TTC6: variants seen among roughly 807,000 people sequenced by gnomAD.
TTC6 encodes tetratricopeptide repeat protein 6.
Under a neutral mutation model 210.4 loss-of-function variants are expected in TTC6, and 172 were observed. The observed-to-expected ratio is 0.82, with a 90% CI of 0.72 to 0.93. The LOEUF (loss-of-function observed/expected upper bound fraction) is 0.93, where lower values mean the gene tolerates loss of function less well. TTC6 is among the 40% of genes least tolerant of loss of function. The probability of loss-of-function intolerance (pLI) is 0.00; values close to 1 mark genes in which losing one functional copy is unlikely to be tolerated. For missense variants in TTC6, 2,414 were observed against 2,318.1 expected (o/e 1.04, Z -0.85); for synonymous variants, 804 against 819.6 (o/e 0.98, Z 0.32).
chr14:37,721,902 A>C (rs1361379301), intron 6 of TTC6, among the ~76,000 whole-genome samples: 1 of 144,700 alleles, frequency 6.9e-6, no homozygotes, highest in African/African-American at 2.5e-5. Context: ...ACACATATAT[A>C]CACATGTATA....
chr14:37,703,191 C>T (rs1340077871), intron 5 of TTC6, among the ~76,000 whole-genome samples: 1 of 151,884 alleles, frequency 6.6e-6, no homozygotes, highest in Non-Finnish European at 1.5e-5. Context: ...AGCCAAGCAT[C>T]ATTTGGAGGA....
chr14:37,655,887 T>A (rs368453589), intron 1 of TTC6, among the ~76,000 whole-genome samples: 2 of 150,814 alleles, frequency 1.3e-5, no homozygotes, highest in African/African-American at 2.5e-5. Flanking sequence ...TTTTTTTTTT[T>A]AATTTGTAAA....
intron 5 of TTC6, among the ~76,000 whole-genome samples, chr14:37,710,278 G>A (rs2138732587): frequency 6.6e-6 from 1 of 152,208 alleles, no homozygotes; most frequent in Admixed American, 6.5e-5. Flanking sequence ...GATTGTTGGA[G>A]GGAGATCCCT....
At chr14:37,739,337 G>A (rs913713199) in intron 10 of TTC6, among the ~76,000 whole-genome samples, 182 bp downstream of exon 12, 3 of 152,064 alleles carry the variant, frequency 2.0e-5, no homozygotes, top group Non-Finnish European at 4.4e-5. Context: ...AGCACTTTGG[G>A]AGGCAGAGGC....
intron 3 of TTC6, among the ~76,000 whole-genome samples, chr14:37,692,163 A>G (rs1320725296): frequency 3.8e-5 from 5 of 132,252 alleles, no homozygotes; most frequent in Non-Finnish European, 7.8e-5. Context: ...AACTCATTCT[A>G]TGAGGCAGGT....
intron 3 of TTC6, among the ~76,000 whole-genome samples, chr14:37,684,712 A>C (rs1339639900): frequency 1.3e-5 from 2 of 152,200 alleles, no homozygotes; most frequent in East Asian, 1.9e-4. Context: ...TAACATCTCA[A>C]GATCAGTTGT....
chr14:37,656,512 T>C (rs1566867700), intron 1 of TTC6, among the ~76,000 whole-genome samples: 2 of 74,594 alleles, frequency 2.7e-5, no homozygotes, highest in African/African-American at 6.4e-5. Context: ...TGTGTGTGTG[T>C]GCGTGTGTGT....
chr14:37,696,717 G>T (rs748112275), exon 4 of TTC6: 2 of 1,427,514 alleles, frequency 1.4e-6, no homozygotes, highest in East Asian at 2.7e-5. Context: ...TTTCTTAAAG[G>T]CAAAATCACC....
At chr14:37,770,622 C>T (rs1595232231) in intron 14 of TTC6, among the ~76,000 whole-genome samples, 1 of 152,134 alleles carries the variant, frequency 6.6e-6, no homozygotes, top group East Asian at 1.9e-4. Flanking sequence ...ACTAGGATTG[C>T]AACCCCTGCC....
chr14:37,630,666 T>C (rs1227739777), intron 1 of TTC6, among the ~76,000 whole-genome samples: 2 of 152,130 alleles, frequency 1.3e-5, no homozygotes, highest in Non-Finnish European at 2.9e-5. Flanking sequence ...ATGTGTCTAA[T>C]ATTGACAGTG....
intron 14 of TTC6, among the ~76,000 whole-genome samples, chr14:37,779,659 C>A (rs950187177): frequency 2.6e-5 from 4 of 152,152 alleles, no homozygotes; most frequent in Non-Finnish European, 5.9e-5. Flanking sequence ...CAGCTTACAG[C>A]CATTTGCTGA....
At chr14:37,648,594 C>G (rs1013777301) in intron 1 of TTC6, among the ~76,000 whole-genome samples, 3 of 151,806 alleles carry the variant, frequency 2.0e-5, no homozygotes, top group Non-Finnish European at 4.4e-5. Context: ...ATTTCTTTTT[C>G]TGTTCTCCAG....
exon 1 of TTC6, chr14:37,622,239 C>A (rs1309313541): frequency 6.5e-7 from 1 of 1,535,208 alleles, no homozygotes; most frequent in Non-Finnish European, 8.7e-7. Context: ...TGCCCCCGGC[C>A]CGGCCCGCCC....
chr14:37,637,119 AAG>A (rs1327720454), intron 1 of TTC6, among the ~76,000 whole-genome samples: 1 of 151,962 alleles, frequency 6.6e-6, no homozygotes, highest in Non-Finnish European at 1.5e-5. Context: ...CAAACCAAAA[AAG>A]AAGAACGAAA....
chr14:37,750,008 T>A (rs1426754293), intron 12 of TTC6, among the ~76,000 whole-genome samples, 165 bp downstream of exon 14: 1 of 152,162 alleles, frequency 6.6e-6, no homozygotes, highest in East Asian at 1.9e-4. Context: ...GCTCGTACAA[T>A]CCTATAGTGT....
At chr14:37,637,647 G>A (rs1179925259) in intron 1 of TTC6, among the ~76,000 whole-genome samples, 5 of 151,934 alleles carry the variant, frequency 3.3e-5, no homozygotes, top group African/African-American at 1.2e-4. Flanking sequence ...GGAAAAAAAA[G>A]AGAAAAAAAT....
chr14:37,808,806 A>G, exon 24 of TTC6: 1 of 1,535,164 alleles, frequency 6.5e-7, no homozygotes, highest in Non-Finnish European at 8.7e-7. Context: ...GCATTTTATA[A>G]CAGAGCATTA....
Position 37,761,614 on chromosome 14 carries a change from T to C in TTC6, c.3266+8379T>C, listed in dbSNP as rs148123963. Among the ~76,000 whole-genome samples, 315 of 151,452 alleles carry C rather than the reference T, an allele frequency of 2.1e-3. 2 individuals are homozygous for C. Among genetic ancestry groups the C allele is most frequent in the African/African-American group, 7.2e-3 (296 of 40,930 alleles). ...AGAAACCCCCTCATGCCTTTGTCTT[T>C]CCTGGGGGAAGACAACCACTGTCTA... is the stretch of plus-strand genomic sequence containing the variant. On this transcript the variant is annotated intron_variant, in intron 14 of 30. Coordinates refer to ENST00000553443, the Ensembl canonical transcript of TTC6.
chr14:37,741,725 A>C (rs1384179045), intron 10 of TTC6, among the ~76,000 whole-genome samples: 2 of 152,136 alleles, frequency 1.3e-5, no homozygotes, highest in African/African-American at 4.8e-5. Flanking sequence ...GTATGTTCTT[A>C]TACATCAAGT....
Sources: allele counts gnomAD v4.1 joint callset (sites outside exome capture counted in the v4.1 genomes callset), GRCh38; gene constraint gnomAD v4.1.1; transcripts MANE v1.5; gene names NCBI Gene and HGNC (gene_info 2026-07-23, HGNC 2026-07-21).